Variants in ABCA13 observed in about 807,000 individuals in gnomAD.
ABCA13 encodes the protein ATP binding cassette subfamily A member 13, also known as ATP-binding cassette sub-family A member 13.
ABCA13 carries 476 observed loss-of-function variants against 478.7 expected under a neutral mutation model. The ratio of observed to expected loss-of-function variants is 0.99; its 90% confidence interval spans 0.92 to 1.07. The LOEUF (loss-of-function observed/expected upper bound fraction) is 1.07. Among genes scored for constraint, ABCA13 ranks in the 50% least tolerant of loss-of-function variants. The pLI is 0.00. For missense variants in ABCA13, 6,060 were observed against 5,910.6 expected, an observed-to-expected ratio of 1.03 and a Z score of -0.83; for synonymous variants, 2,252 against 2,158.9, an observed-to-expected ratio of 1.04 and a Z score of -1.20.
chr7:48,533,446 T>C (rs1359639332), intron 55 of ABCA13, among the ~76,000 whole-genome samples: 2 of 152,134 alleles, frequency 1.3e-5, no homozygotes, highest in Non-Finnish European at 2.9e-5. Flanking sequence ...ATGTTCCATG[T>C]GCTAATGAAT....
chr7:48,324,494 C>A (rs1355993163), intron 27 of ABCA13, among the ~76,000 whole-genome samples: 1 of 152,188 alleles, frequency 6.6e-6, no homozygotes, highest in Non-Finnish European at 1.5e-5. Flanking sequence ...ACAACAGTGC[C>A]TCTTTGGAAT....
At chr7:48,321,694 G>T (rs1249844172) in intron 27 of ABCA13, among the ~76,000 whole-genome samples, 2 of 152,166 alleles carry the variant, frequency 1.3e-5, no homozygotes. Context: ...CCGTGAGAGC[G>T]AGGTGGCCTC....
At chr7:48,606,465 G>A (rs989072233) in intron 58 of ABCA13, among the ~76,000 whole-genome samples, 1 of 152,174 alleles carries the variant, frequency 6.6e-6, no homozygotes, top group Non-Finnish European at 1.5e-5. Flanking sequence ...TCTTCTAACA[G>A]TCAGGCCCCT....
intron 59 of ABCA13, among the ~76,000 whole-genome samples, chr7:48,622,327 C>A (rs1373306375): frequency 7.2e-5 from 11 of 152,136 alleles, no homozygotes; most frequent in African/African-American, 2.7e-4. Flanking sequence ...TAGCCTGGAC[C>A]CAGTTTACAC....
intron 43 of ABCA13, among the ~76,000 whole-genome samples, chr7:48,461,805 C>T (rs1252687987): frequency 1.3e-5 from 2 of 152,162 alleles, no homozygotes; most frequent in Non-Finnish European, 2.9e-5. Flanking sequence ...GTTGGGTGAA[C>T]TCCTCAGTTG....
rs570270242 is a variant in ABCA13 at position 48,500,990 on chromosome 7, T to A, written c.13292-5346T>A. ...GAAAAGATGCGTGTTGAATGAATTC[T>A]CCGTTCTGTGAAGGAAGAGGAATCA... On this transcript the variant is annotated intron_variant, in intron 48 of 61. Transcript: ENST00000435803. Among the ~76,000 whole-genome samples, 15 of 152,336 alleles carry A rather than the reference T, an allele frequency of 9.8e-5. No homozygotes were observed. In the South Asian group the frequency reaches 3.1e-3, roughly 32 times the overall value.
chr7:48,516,915 T>C, intron 52 of ABCA13, 34 bp downstream of exon 52: 1 of 1,600,328 alleles, frequency 6.2e-7, no homozygotes. Context: ...TCTACACTTC[T>C]GCACCTCTAG....
In ABCA13 at chr7:48,274,033, T is replaced by C; in HGVS notation, c.4367T>C (p.Ile1456Thr). ...CTTTGTTCATCAAATGGCTCACATA[T>C]AAATTGTGTCAATATTTACTTGAAA... ...KPLCSSNGSHINCVNIYLKDV... is the reference protein window; with the variant it reads ...KPLCSSNGSHTNCVNIYLKDV... The change falls in exon 17 of 62, where the codon ATA (isoleucine) becomes ACA (threonine). Residue 1456 changes from isoleucine (I) to threonine (T), a missense_variant. This residue lies in a region of ABCA13 where 4,423 missense variants were observed against 4,309.1 expected (regional missense o/e 1.03). Coordinates refer to ENST00000435803, the MANE Select transcript of ABCA13 (RefSeq NM_152701.5). 1 of 1,606,012 alleles carries C rather than the reference T, an allele frequency of 6.2e-7. No homozygotes were observed.
At chr7:48,179,448 C>T (rs1795347592) in intron 1 of ABCA13, among the ~76,000 whole-genome samples, 1 of 152,184 alleles carries the variant, frequency 6.6e-6, no homozygotes, top group South Asian at 2.1e-4. Flanking sequence ...GTCAGCTAAG[C>T]CAGAGAGTTC....
chr7:48,306,763 G>C (rs771201202), intron 23 of ABCA13, among the ~76,000 whole-genome samples: 30 of 152,192 alleles, frequency 2.0e-4, no homozygotes, highest in Non-Finnish European at 3.7e-4. Flanking sequence ...CATAGCCATT[G>C]GTGATGATTA....
At chr7:48,554,818 A>AT (rs1785634933) in intron 55 of ABCA13, among the ~76,000 whole-genome samples, 1 of 137,090 alleles carries the variant, frequency 7.3e-6, no homozygotes, top group African/African-American at 3.0e-5. Context: ...CTTTATTATT[A>AT]TTATTTATTA....
At chr7:48,337,996 C>G (rs1029703681) in intron 28 of ABCA13, among the ~76,000 whole-genome samples, 6 of 152,198 alleles carry the variant, frequency 3.9e-5, no homozygotes, top group South Asian at 2.1e-4. Context: ...TAACAATGAC[C>G]CTCTGTTTAC....
At chr7:48,221,374 T>C in intron 5 of ABCA13, 65 bp downstream of exon 5, 1 of 773,348 alleles carries the variant, frequency 1.3e-6, no homozygotes, top group Admixed American at 3.7e-5. Context: ...TTTACAACAC[T>C]GTTTTTAAGT....
At chr7:48,570,701 A>T (rs1194749840) in intron 55 of ABCA13, among the ~76,000 whole-genome samples, 3 of 151,532 alleles carry the variant, frequency 2.0e-5, no homozygotes, top group East Asian at 3.9e-4. Flanking sequence ...TTGGATAATT[A>T]AAAAAAAATC....
chr7:48,433,021 C>A (rs777548423), intron 42 of ABCA13, among the ~76,000 whole-genome samples: 3 of 151,642 alleles, frequency 2.0e-5, no homozygotes, highest in Non-Finnish European at 4.4e-5. Flanking sequence ...TCGGTTTAGC[C>A]GCTTCACAAG....
rs769275074 is a variant in ABCA13, at chr7:48,229,955, G to A, written c.763G>A (p.Glu255Lys). Residue 255 changes from glutamate to lysine, a missense_variant and splice_region_variant, in exon 7 of 62, where the codon GAG becomes AAG. Transcript: ENST00000435803. ...FLQQHGVAVT[E>K]PVYHLSMQNI... Reference sequence around the variant, plus strand: ...GCAGCAACATGGAGTAGCAGTCACCGGTATGGGTGCCTTGTAGCTATTGCT... The same window carrying A: ...GCAGCAACATGGAGTAGCAGTCACCAGTATGGGTGCCTTGTAGCTATTGCT... 4.3e-5 allele frequency: 69 copies of A among 1,613,004 alleles called. No homozygotes were observed. The highest frequency in any genetic ancestry group is 5.1e-5 in the Non-Finnish European group (60 of 1,179,450).
intron 35 of ABCA13, 33 bp downstream of exon 35, chr7:48,376,605 T>C: frequency 1.9e-6 from 3 of 1,603,510 alleles, no homozygotes; most frequent in Non-Finnish European, 2.6e-6. Context: ...GATAACACAA[T>C]AAATTTTAAA....
intron 32 of ABCA13, among the ~76,000 whole-genome samples, chr7:48,369,340 G>T (rs182077670): frequency 3.9e-4 from 59 of 152,216 alleles, no homozygotes; most frequent in African/African-American, 1.3e-3. Context: ...TCTGTGGGTT[G>T]TCCATTTACT....
In ABCA13 at chr7:48,412,353, C is replaced by T. The variant is rs201706499; in HGVS notation, c.12229C>T (p.Pro4077Ser). 61 of 1,608,320 alleles carry T rather than the reference C, an allele frequency of 3.8e-5. No homozygotes were observed. The highest frequency in any genetic ancestry group is 3.8e-4 in the African/African-American group (28 of 74,656). Residue 4077 changes from proline (P) to serine (S), a missense_variant and splice_region_variant, in exon 41 of 62, where the codon CCT becomes TCT. Physicochemically the swap from Pro to Ser is moderately conservative, Grantham distance 74. Transcript: ENST00000435803. ...QGLRLTLTRQ[P>S]SVLEAHDLKD... is the part of the protein sequence containing the mutation. ...CTTTTTTCCTTTTTTTTATGGATAG[C>T]CTTCTGTTCTGGAGGCCCATGATCT...
Sources: gnomAD v4.1 joint callset for allele counts (sites outside exome capture counted in the v4.1 genomes callset) on GRCh38, gnomAD v4.1.1 for gene constraint, gnomAD v4.1.1 regional missense constraint, MANE v1.5 for transcripts, NCBI Gene and HGNC (gene_info 2026-07-23, HGNC 2026-07-21) for gene names.